Variants in NTRK2 observed in about 807,000 individuals in gnomAD.
The protein encoded by NTRK2 is neurotrophic receptor tyrosine kinase 2.
A neutral mutation model predicts 94.5 loss-of-function variants in NTRK2; 13 were observed. The ratio of observed to expected loss-of-function variants is 0.14; its 90% CI spans 0.09 to 0.22. The LOEUF is 0.22. Ranked by LOEUF, NTRK2 falls within the 10% of genes least tolerant of loss-of-function variation. NTRK2 has a pLI of 1.00. For missense variants in NTRK2, 639 were observed against 1,071.2 expected, an observed-to-expected ratio of 0.60 and a Z score of 5.63; for synonymous variants, 372 against 407.4, an observed-to-expected ratio of 0.91 and a Z score of 1.05.
Position 84,870,341 on chromosome 9 carries a change from A to G in NTRK2, c.1633+2910A>G, listed in dbSNP as rs867732346. On this transcript the variant is annotated intron_variant, in intron 14 of 18. Transcript: ENST00000277120. ...GTGGGGTGTGTGTGTGTATATATATATATATATATATATATATATATATAA... is the reference window on the plus strand; with the variant it reads ...GTGGGGTGTGTGTGTGTATATATATGTATATATATATATATATATATATAA... Among the ~76,000 whole-genome samples, 717 of 98,218 alleles carry G rather than the reference A, an allele frequency of 7.3e-3. 34 individuals carry two copies. The highest frequency in any genetic ancestry group is 0.02 in the African/African-American group (444 of 22,680). The allele number at this position is 98,218 out of a possible 152,430, so 64.4% of individuals were successfully genotyped here.
At chr9:84,683,102 A>G (rs1224897877) in intron 2 of NTRK2, among the ~76,000 whole-genome samples, 1 of 152,184 alleles carries the variant, frequency 6.6e-6, no homozygotes. Flanking sequence ...AATTTTATCT[A>G]TAGGAAATGT....
At chr9:84,737,111 TTCTC>T (rs1190243868) in intron 9 of NTRK2, among the ~76,000 whole-genome samples, 1 of 152,220 alleles carries the variant, frequency 6.6e-6, no homozygotes, top group African/African-American at 2.4e-5. Context: ...GAAAAGTCTT[TTCTC>T]TCTCTCTTTT....
At chr9:84,804,034 C>A (rs1187276) in intron 12 of NTRK2, among the ~76,000 whole-genome samples, 98,179 of 152,016 alleles carry the variant, frequency 0.65, 32,672 homozygotes, top group East Asian at 0.74. Flanking sequence ...TAACACGAAT[C>A]CTAAATGTTA....
At chr9:84,692,460 CT>C (rs1175762583) in intron 2 of NTRK2, among the ~76,000 whole-genome samples, 5 of 122,082 alleles carry the variant, frequency 4.1e-5, no homozygotes, top group East Asian at 2.5e-4. Context: ...TCTTTTTTTT[CT>C]TTTTTTCTTT....
chr9:84,964,484 C>T (rs1825323465), intron 17 of NTRK2, among the ~76,000 whole-genome samples: 1 of 152,216 alleles, frequency 6.6e-6, no homozygotes, highest in African/African-American at 2.4e-5. Context: ...ATAGTATCCT[C>T]ACATGCACGC....
chr9:84,890,827 G>A (rs555743213), intron 14 of NTRK2, among the ~76,000 whole-genome samples: 2 of 152,208 alleles, frequency 1.3e-5, no homozygotes, highest in Non-Finnish European at 2.9e-5. Flanking sequence ...ATCTTCTTGT[G>A]AATTATAAGG....
At chr9:84,957,184 C>T (rs955536672) in intron 17 of NTRK2, among the ~76,000 whole-genome samples, 9 of 152,164 alleles carry the variant, frequency 5.9e-5, no homozygotes, top group African/African-American at 2.4e-5. Flanking sequence ...AAGGGAGGGA[C>T]ATGTGGCCCA....
intron 2 of NTRK2, among the ~76,000 whole-genome samples, chr9:84,685,889 C>T (rs922710524): frequency 2.0e-5 from 3 of 152,232 alleles, no homozygotes; most frequent in East Asian, 1.9e-4. Context: ...TGTCTGTACA[C>T]ACCGTTAGGA....
At chr9:84,835,296 A>G (rs2073806197) in intron 12 of NTRK2, among the ~76,000 whole-genome samples, 1 of 152,054 alleles carries the variant, frequency 6.6e-6, no homozygotes, top group East Asian at 1.9e-4. Context: ...ATCATTATCA[A>G]TCATCACAGT....
At chr9:84,863,969 T>C (rs987712875) in intron 13 of NTRK2, among the ~76,000 whole-genome samples, 2 of 152,092 alleles carry the variant, frequency 1.3e-5, no homozygotes, top group Non-Finnish European at 2.9e-5. Context: ...GGGGGTTTAA[T>C]TGGAGAGGTT....
At chr9:84,788,666 TC>T (rs2068390587) in intron 12 of NTRK2, among the ~76,000 whole-genome samples, 1 of 151,772 alleles carries the variant, frequency 6.6e-6, no homozygotes, top group African/African-American at 2.4e-5. Context: ...GGGAACAGCG[TC>T]CTGGATGATG....
At chr9:84,726,798 A>AT (rs1359214681) in intron 8 of NTRK2, among the ~76,000 whole-genome samples, 1 of 152,210 alleles carries the variant, frequency 6.6e-6, no homozygotes, top group Non-Finnish European at 1.5e-5. Flanking sequence ...CCAGTCCTTG[A>AT]TTTTGTAATT....
intron 2 of NTRK2, among the ~76,000 whole-genome samples, chr9:84,671,622 C>A (rs1474787185): frequency 6.6e-6 from 1 of 152,218 alleles, no homozygotes; most frequent in African/African-American, 2.4e-5. Context: ...TTGGACTTGA[C>A]TTCCCAGAGA....
chr9:84,738,890 T>TA (rs1424968999), intron 9 of NTRK2, among the ~76,000 whole-genome samples: 2 of 152,200 alleles, frequency 1.3e-5, no homozygotes, highest in Admixed American at 1.3e-4. Flanking sequence ...GTACTTGTCA[T>TA]ACATCTGGGA....
chr9:84,964,111 G>C (rs1825275279), intron 17 of NTRK2, among the ~76,000 whole-genome samples: 1 of 152,058 alleles, frequency 6.6e-6, no homozygotes, highest in South Asian at 2.1e-4. Context: ...CTGCTCCTTT[G>C]CATGCTTGGT....
chr9:84,769,906 T>A (rs1186607853), intron 12 of NTRK2, among the ~76,000 whole-genome samples: 1 of 152,190 alleles, frequency 6.6e-6, no homozygotes, highest in Non-Finnish European at 1.5e-5. Flanking sequence ...TATCATTTGG[T>A]GATGAGCAAA....
chr9:84,720,189 AC>A (rs2061971809), intron 6 of NTRK2, among the ~76,000 whole-genome samples: 1 of 152,172 alleles, frequency 6.6e-6, no homozygotes, highest in Non-Finnish European at 1.5e-5. Flanking sequence ...CAGAACTACT[AC>A]AATGCTTAGA....
At chr9:84,677,222 A>T (rs886766208) in intron 2 of NTRK2, among the ~76,000 whole-genome samples, 9 of 152,108 alleles carry the variant, frequency 5.9e-5, no homozygotes, top group Admixed American at 5.9e-4. Flanking sequence ...AGCCCTTTCG[A>T]TGAGGTCTGT....
At chr9:84,892,207 A>G (rs1337428988) in intron 14 of NTRK2, among the ~76,000 whole-genome samples, 2 of 152,158 alleles carry the variant, frequency 1.3e-5, no homozygotes, top group Non-Finnish European at 2.9e-5. Context: ...GCTACACAGG[A>G]TTGTATATTA....
Sources: allele counts gnomAD v4.1 joint callset (sites outside exome capture counted in the v4.1 genomes callset), GRCh38; gene constraint gnomAD v4.1.1; transcripts MANE v1.5; gene names NCBI Gene and HGNC (gene_info 2026-07-23, HGNC 2026-07-21).